Variants in DCAF10 observed in about 807,000 individuals in gnomAD.
The protein encoded by DCAF10 is DDB1- and CUL4-associated factor 10.
Under a neutral mutation model 51.9 loss-of-function variants are expected in DCAF10, and 19 were observed. The observed-to-expected ratio is 0.37, with a 90% CI of 0.26 to 0.54. The LOEUF (loss-of-function observed/expected upper bound fraction) is 0.54, where lower values mean the gene tolerates loss of function less well. DCAF10 is among the 20% of genes least tolerant of loss of function. The pLI is 0.87. For synonymous variants in DCAF10, 291 were observed against 297.1 expected (o/e 0.98, Z 0.21); for missense variants, 510 against 730.6 (o/e 0.70, Z 3.48).
chr9:37,808,632 T>TAA (rs1829210907), intron 1 of DCAF10, among the ~76,000 whole-genome samples: 3 of 33,386 alleles, frequency 9.0e-5, no homozygotes, highest in South Asian at 1.2e-3. Flanking sequence ...TTATATAATA[T>TAA]AATATAAAAA....
At chr9:37,856,768 CA>C (rs1271645740) in intron 4 of DCAF10, among the ~76,000 whole-genome samples, 1 of 151,972 alleles carries the variant, frequency 6.6e-6, no homozygotes, top group Non-Finnish European at 1.5e-5. Flanking sequence ...GCCTGGGCAA[CA>C]TAGCAAGATC....
At chr9:37,800,774 GGCC>G, upstream of DCAF10, 1 of 1,525,500 alleles carries the variant, frequency 6.6e-7, no homozygotes, top group Non-Finnish European at 8.8e-7. Context: ...GGTGGGGTTA[GGCC>G]GCTGCACGCC....
chr9:37,800,754 G>A, upstream of DCAF10: 1 of 1,532,642 alleles, frequency 6.5e-7, no homozygotes, highest in African/African-American at 1.4e-5. Context: ...GGCGGCGCGG[G>A]TTTCCAGCCG....
chr9:37,826,676 G>C (rs1156383624), intron 2 of DCAF10, among the ~76,000 whole-genome samples: 1 of 152,088 alleles, frequency 6.6e-6, no homozygotes, highest in Non-Finnish European at 1.5e-5. Context: ...TTCGGCAATG[G>C]GAACCCAGAT....
Position 37,865,070 on chromosome 9 carries a change from T to G in DCAF10, c.*3562T>G, listed in dbSNP as rs1412609671. ...GCTGGCCTGTTATTTGTTTAGTATC[T>G]TCTGGATTTTTTTTTTTTAATTATA... On this transcript the variant is annotated 3_prime_UTR_variant, in exon 7 of 7. Transcript: ENST00000377724. The G allele has an allele frequency of 6.6e-6, 1 of 152,040 alleles. No homozygotes were observed. Among genetic ancestry groups the G allele is most frequent in the African/African-American group, 2.4e-5 (1 of 41,398 alleles). The allele number at this position is 152,040 out of a possible 1,614,324, so 9.4% of individuals were successfully genotyped here.
chr9:37,858,016 T>C (rs1253437159), intron 5 of DCAF10, among the ~76,000 whole-genome samples: 1 of 152,044 alleles, frequency 6.6e-6, no homozygotes, highest in Non-Finnish European at 1.5e-5. Flanking sequence ...GAACTGAGTA[T>C]TAAGAGCCAG....
intron 3 of DCAF10, among the ~76,000 whole-genome samples, chr9:37,852,051 C>T (rs1351197658): frequency 1.3e-5 from 2 of 151,692 alleles, no homozygotes; most frequent in Non-Finnish European, 2.9e-5. Flanking sequence ...CTTGGAAAGT[C>T]AAATGAATCC....
chr9:37,846,724 G>A (rs186067109), intron 3 of DCAF10, among the ~76,000 whole-genome samples: 1,609 of 152,110 alleles, frequency 0.011, 25 homozygotes, highest in African/African-American at 0.037. Flanking sequence ...CCAAAGTGCT[G>A]GGATTACAGG....
chr9:37,816,156 AG>A (rs1199951556), intron 1 of DCAF10, among the ~76,000 whole-genome samples: 1 of 152,268 alleles, frequency 6.6e-6, no homozygotes, highest in Non-Finnish European at 1.5e-5. Flanking sequence ...CCCAGGAATA[AG>A]TTCAACAGAA....
intron 1 of DCAF10, among the ~76,000 whole-genome samples, chr9:37,818,361 A>T (rs990293452): frequency 2.0e-5 from 3 of 152,142 alleles, no homozygotes; most frequent in Non-Finnish European, 4.4e-5. Flanking sequence ...TGAATAGAAA[A>T]GTTTTTGGCT....
intron 2 of DCAF10, chr9:37,836,354 A>G: frequency 6.2e-7 from 1 of 1,610,870 alleles, no homozygotes; most frequent in Non-Finnish European, 8.5e-7. Context: ...TCAAGGAGCC[A>G]ATCTGGGAAA....
At chr9:37,825,096 T>G (rs1282291542) in intron 2 of DCAF10, among the ~76,000 whole-genome samples, 1 of 152,148 alleles carries the variant, frequency 6.6e-6, no homozygotes, top group Non-Finnish European at 1.5e-5. Flanking sequence ...AAAATACAGA[T>G]GCTGGTGAGG....
rs1831071097 is a variant in DCAF10 at position 37,863,530 on chromosome 9, TG to T, written c.*2024del. ...GCCTAAGGTCATCCTGCAAAGTTAG[TG>T]GCAGAGTTAGGACTTGAATTCCAGT... On this transcript the variant is annotated 3_prime_UTR_variant, in exon 7 of 7. Transcript: ENST00000377724. 1 of 152,122 alleles carries T rather than the reference TG, an allele frequency of 6.6e-6. No homozygotes were observed. Among genetic ancestry groups the T allele is most frequent in the African/African-American group, 2.4e-5 (1 of 41,420 alleles). The allele number at this position is 152,122 out of a possible 1,614,324, so 9.4% of individuals were successfully genotyped here.
At chr9:37,821,346 A>C (rs1829695769) in intron 2 of DCAF10, among the ~76,000 whole-genome samples, 1 of 152,186 alleles carries the variant, frequency 6.6e-6, no homozygotes, top group African/African-American at 2.4e-5. Context: ...AAATAAATTA[A>C]GGGATACGTT....
chr9:37,810,515 G>A (rs1829307893), intron 1 of DCAF10, among the ~76,000 whole-genome samples: 1 of 151,762 alleles, frequency 6.6e-6, no homozygotes, highest in Non-Finnish European at 1.5e-5. Context: ...AGGCTGGAGC[G>A]CAATGGCGCA....
chr9:37,841,733 G>A (rs976980247), intron 2 of DCAF10, among the ~76,000 whole-genome samples: 4 of 151,986 alleles, frequency 2.6e-5, no homozygotes, highest in Admixed American at 6.6e-5. Context: ...TTCCTCTATC[G>A]CCTATTAAAT....
At chr9:37,812,794 T>A (rs62539389) in intron 1 of DCAF10, among the ~76,000 whole-genome samples, 17,367 of 152,186 alleles carry the variant, frequency 0.11, 1,331 homozygotes, top group Middle Eastern at 0.18. Context: ...CCAGCATGGC[T>A]GGCTAATTTT....
At chr9:37,824,561 A>G (rs1829798754) in intron 2 of DCAF10, among the ~76,000 whole-genome samples, 1 of 152,044 alleles carries the variant, frequency 6.6e-6, no homozygotes, top group Non-Finnish European at 1.5e-5. Context: ...AAGTAAAAAA[A>G]AAAAATTTAA....
intron 6 of DCAF10, 68 bp downstream of exon 6, chr9:37,860,261 G>C (rs16934511): frequency 0.16 from 259,320 of 1,589,568 alleles, 22,668 homozygotes; most frequent in African/African-American, 0.3. Flanking sequence ...TGTGTGCAGA[G>C]CTTAGGCCGA....
Sources: allele counts gnomAD v4.1 joint callset (sites outside exome capture counted in the v4.1 genomes callset), GRCh38; gene constraint gnomAD v4.1.1; transcripts MANE v1.5; gene names NCBI Gene and HGNC (gene_info 2026-07-23, HGNC 2026-07-21).